The following ZMYM2 variants were observed in gnomAD, a reference collection of about 807,000 sequenced individuals.
The protein encoded by ZMYM2 is zinc finger MYM-type containing 2.
In ZMYM2, 56 loss-of-function variants were observed where a neutral mutation model predicts 162.8. That is an observed-to-expected ratio of 0.34 (90% CI 0.28 to 0.43). The LOEUF (loss-of-function observed/expected upper bound fraction) is 0.43. ZMYM2 is among the 20% of genes least tolerant of loss of function. The probability of loss-of-function intolerance (pLI) is 1.00; values close to 1 mark genes in which losing one functional copy is unlikely to be tolerated. For synonymous variants in ZMYM2, 510 were observed against 541.6 expected (o/e 0.94, Z 0.81); for missense variants, 1,275 against 1,621.8 (o/e 0.79, Z 3.67).
intron 14 of ZMYM2, among the ~76,000 whole-genome samples, chr13:20,058,129 T>G (rs1420203964): frequency 6.6e-6 from 1 of 152,214 alleles, no homozygotes; most frequent in African/African-American, 2.4e-5. Context: ...CATTTTTCTT[T>G]TCAAATTTAT....
intron 2 of ZMYM2, among the ~76,000 whole-genome samples, chr13:19,989,424 C>T (rs1949430241): frequency 6.6e-6 from 1 of 152,164 alleles, no homozygotes; most frequent in Non-Finnish European, 1.5e-5. Context: ...GTGCCTCAGC[C>T]TCCTGAGTAG....
Position 20,026,695 on chromosome 13 carries a change from A to G in ZMYM2, c.1668A>G (p.Gly556=), listed in dbSNP as rs953124141. 1.2e-6 allele frequency: 2 copies of G among 1,609,496 alleles called. No individual in the cohort carries two copies. Among genetic ancestry groups the G allele is most frequent in the African/African-American group, 2.7e-5 (2 of 74,750 alleles). The change falls in exon 8 of 25, where the codon GGA becomes GGG. Residue 556 remains glycine (G), a synonymous_variant. Transcript: ENST00000610343. ...TGACTCAGTGTATAGGTCCTAATGG[A>G]TATATGGAGCCATATTGTTCAACTG... The part of the protein sequence containing the change: ...FDMTQCIGPN[G]YMEPYCSTAC...
At chr13:19,963,831 CTCTT>C (rs1313602181) in intron 2 of ZMYM2, among the ~76,000 whole-genome samples, 1 of 152,074 alleles carries the variant, frequency 6.6e-6, no homozygotes, top group Admixed American at 6.5e-5. Context: ...ATTTTTTAAA[CTCTT>C]TTTAAGAGTT....
chr13:20,046,285 A>G (rs930078231), intron 12 of ZMYM2, among the ~76,000 whole-genome samples: 6 of 151,738 alleles, frequency 4.0e-5, no homozygotes, highest in African/African-American at 1.5e-4. Context: ...GGTGGCTCAC[A>G]TCTTTAATCT....
At chr13:19,912,292 G>GTTTTTTT in the ZMYM2 span, among the ~76,000 whole-genome samples, 6 of 75,706 alleles carry the variant, frequency 7.9e-5, no homozygotes, top group African/African-American at 1.0e-4. Flanking sequence ...TGTTTTTTGG[G>GTTTTTTT]TTTTTTTTTT....
At position 20,020,234 on chromosome 13, in the gene ZMYM2, CT is replaced by C. The variant is rs71198951; in HGVS notation, c.1584+633del. On this transcript the variant is annotated intron_variant, in intron 7 of 24. Transcript: ENST00000610343. ...ATCATAGGCTATTATTATTCCTCTT[CT>C]TTTTTTTTTTTTTTTTGAGACAGAG... Among the ~76,000 whole-genome samples the C allele has an allele frequency of 1.2e-3, 162 of 137,170 alleles. 1 individual carries two copies. The highest frequency in any genetic ancestry group is 1.5e-3 in the African/African-American group (56 of 37,854). The allele number at this position is 137,170 out of a possible 152,430, so 90.0% of individuals were successfully genotyped here. A position where few individuals can be genotyped will look rare whatever the true frequency, so the allele number is the denominator to read the frequency against.
chr13:20,053,681 A>T (rs1472219543), intron 14 of ZMYM2, among the ~76,000 whole-genome samples: 1 of 152,178 alleles, frequency 6.6e-6, no homozygotes, highest in Non-Finnish European at 1.5e-5. Context: ...AAAGTTATTT[A>T]GGATGCTGAT....
the ZMYM2 span, among the ~76,000 whole-genome samples, chr13:19,911,523 C>CT: frequency 6.6e-6 from 1 of 152,090 alleles, no homozygotes; most frequent in African/African-American, 2.4e-5. Flanking sequence ...ATCGGGGTGA[C>CT]TATGTATTGG....
intron 9 of ZMYM2, among the ~76,000 whole-genome samples, chr13:20,030,376 C>T (rs1234820429): frequency 1.9e-4 from 28 of 145,430 alleles, no homozygotes; most frequent in African/African-American, 5.6e-4. Flanking sequence ...GGATTACAGG[C>T]GTGCGCCACC....
At chr13:19,978,880 T>C (rs546805446) in intron 2 of ZMYM2, among the ~76,000 whole-genome samples, 1 of 152,362 alleles carries the variant, frequency 6.6e-6, no homozygotes, top group African/African-American at 2.4e-5. Context: ...TTTTATCATT[T>C]TTGCTGGAAG....
Position 20,086,145 on chromosome 13 carries a change from AT to A in ZMYM2, c.*133del. On this transcript the variant is annotated 3_prime_UTR_variant, in exon 25 of 25. Transcript: ENST00000610343. ...TTGTAGCAGTGTACCCACGCTGGGT[AT>A]TACCATGTAAATAATCTGTGAGTGA... 1 of 799,402 alleles carries A rather than the reference AT, an allele frequency of 1.3e-6. No individual in the cohort carries two copies. The highest frequency in any genetic ancestry group is 1.9e-6 in the Non-Finnish European group (1 of 539,286). 49.5% of individuals were successfully genotyped at this position (799,402 alleles called of 1,614,324 possible).
intron 2 of ZMYM2, among the ~76,000 whole-genome samples, chr13:19,963,780 TGAA>T (rs1277628737): frequency 3.3e-5 from 5 of 152,176 alleles, no homozygotes; most frequent in Admixed American, 6.5e-5. Flanking sequence ...ACACAATACT[TGAA>T]GCACTTCTGT....
intron 6 of ZMYM2, among the ~76,000 whole-genome samples, chr13:20,012,106 G>A (rs981082708): frequency 4.0e-5 from 6 of 151,756 alleles, no homozygotes; most frequent in East Asian, 1.9e-4. Flanking sequence ...GGCTGGTCTC[G>A]AACTCCTGAC....
At chr13:19,929,523 C>A in the ZMYM2 span, among the ~76,000 whole-genome samples, 1 of 152,188 alleles carries the variant, frequency 6.6e-6, no homozygotes, top group African/African-American at 2.4e-5. Context: ...CATGCGTGAG[C>A]CACCGCGCCC....
the ZMYM2 span, among the ~76,000 whole-genome samples, chr13:19,920,489 G>A: frequency 2.4e-4 from 37 of 151,724 alleles, no homozygotes; most frequent in South Asian, 7.7e-3. Context: ...GGGTAAAAGG[G>A]AGGAAGGGAG....
chr13:19,903,162 T>C, the ZMYM2 span, among the ~76,000 whole-genome samples: 1 of 151,534 alleles, frequency 6.6e-6, no homozygotes, highest in Non-Finnish European at 1.5e-5. Context: ...GTCTCAACAA[T>C]AATAATAAAC....
At chr13:19,989,178 C>T (rs1949410665) in intron 2 of ZMYM2, among the ~76,000 whole-genome samples, 1 of 152,118 alleles carries the variant, frequency 6.6e-6, no homozygotes. Flanking sequence ...TTGGGATATG[C>T]ATAACATCAC....
intron 2 of ZMYM2, among the ~76,000 whole-genome samples, chr13:19,991,640 T>C (rs112316326): frequency 4.0e-5 from 6 of 150,110 alleles, no homozygotes; most frequent in African/African-American, 1.2e-4. Context: ...TTTTTTTTTT[T>C]CCCATTTTGA....
At chr13:19,921,563 A>C in the ZMYM2 span, among the ~76,000 whole-genome samples, 2 of 152,246 alleles carry the variant, frequency 1.3e-5, no homozygotes, top group African/African-American at 4.8e-5. Context: ...TATGCTTTTT[A>C]AATTTTGTCG....
Sources: allele counts gnomAD v4.1 joint callset (sites outside exome capture counted in the v4.1 genomes callset), GRCh38; gene constraint gnomAD v4.1.1; transcripts MANE v1.5; gene names NCBI Gene and HGNC (gene_info 2026-07-23, HGNC 2026-07-21).